ARHGAP39: variants seen among roughly 807,000 people sequenced by gnomAD.
ARHGAP39 encodes the protein Rho GTPase activating protein 39, also known as rho GTPase-activating protein 39.
In ARHGAP39, 44 loss-of-function variants were observed where a neutral mutation model predicts 106.9. That is an observed-to-expected ratio of 0.41 (90% CI 0.32 to 0.53). The LOEUF (loss-of-function observed/expected upper bound fraction) is 0.53. ARHGAP39 is among the 20% of genes least tolerant of loss of function. The pLI, the probability that ARHGAP39 is intolerant of heterozygous loss-of-function variation, is 0.21. For synonymous variants in ARHGAP39, 768 were observed against 693.2 expected (o/e 1.11, Z -1.69); for missense variants, 1,496 against 1,577.3 (o/e 0.95, Z 0.87).
In ARHGAP39 at chr8:144,547,247, C is replaced by G; in HGVS notation, c.1839G>C (p.Glu613Asp). 1 of 1,612,592 alleles carries G rather than the reference C, an allele frequency of 6.2e-7. No individual in the cohort carries two copies. Among genetic ancestry groups the G allele is most frequent in the Non-Finnish European group, 8.5e-7 (1 of 1,179,778 alleles). The part of the protein sequence containing the change: ...FSEDEALAQQ[E>D]NRHWRRGTFE... ...AGGTGCCCCTCCTCCAGTGCCTGTT[C>G]TCCTGCTGGGCCAGCGCCTCGTCCT... is the stretch of plus-strand genomic sequence containing the variant. Residue 613 changes from glutamate to aspartate, a missense_variant, in exon 5 of 12, where the codon GAG (glutamate) becomes GAC (aspartate). By Grantham distance (45) the Glu-to-Asp change is conservative (BLOSUM62 2). Transcript: ENST00000377307. The surrounding 1 kb of genome is among the most constrained non-coding windows in gnomAD (Gnocchi z 5.2).
the ARHGAP39 span, among the ~76,000 whole-genome samples, chr8:144,700,082 G>GT: frequency 6.6e-6 from 1 of 152,174 alleles, no homozygotes; most frequent in Non-Finnish European, 1.5e-5. This position sits in a 1 kb window ranked among gnomAD's most constrained non-coding sequence, Gnocchi z 5.6. Flanking sequence ...GCCGCTCCCC[G>GT]TTCCCTGTCC....
At chr8:144,597,110 G>T (rs1819651477) in intron 2 of ARHGAP39, among the ~76,000 whole-genome samples, 1 of 152,222 alleles carries the variant, frequency 6.6e-6, no homozygotes, top group Non-Finnish European at 1.5e-5. Flanking sequence ...GACAGAGGAG[G>T]GACCTGGCTG....
chr8:144,670,184 T>C lies in ARHGAP39; in HGVS notation c.-82+15502A>G, dbSNP rs576637002. Among the ~76,000 whole-genome samples the C allele has an allele frequency of 6.6e-6, 1 of 150,592 alleles. No homozygotes were observed. Among genetic ancestry groups the C allele is most frequent in the South Asian group, 2.1e-4 (1 of 4,700 alleles). ...GGATCAGGGCCTGGGACCAGGCGGCTGTAAAAAGCAACAGAGCTCGGACGC... is the reference window on the plus strand; with the variant it reads ...GGATCAGGGCCTGGGACCAGGCGGCCGTAAAAAGCAACAGAGCTCGGACGC... On this transcript the variant is annotated intron_variant, in intron 1 of 11. Transcript: ENST00000377307. The surrounding 1 kb of genome is among the most constrained non-coding windows in gnomAD (Gnocchi z 4.4).
In ARHGAP39 at chr8:144,631,500, C is replaced by T. The variant is rs376462867; in HGVS notation, c.-81-25805G>A. 1.9e-4 allele frequency among the ~76,000 whole-genome samples: 29 copies of T among 152,364 alleles called. 1 individual carries two copies. The East Asian group carries it at 2.9e-3, about 15-fold the overall frequency. ...CCGTTTCACGGGTGTGATATCCTCTCGTTCCTGAGGATAATCACACTATCT... is the reference window on the plus strand; with the variant it reads ...CCGTTTCACGGGTGTGATATCCTCTTGTTCCTGAGGATAATCACACTATCT... On this transcript the variant is annotated intron_variant, in intron 1 of 11. Coordinates refer to ENST00000377307, the MANE Select transcript of ARHGAP39 (RefSeq NM_025251.3).
intron 9 of ARHGAP39, 113 bp from the exon 10 acceptor site, chr8:144,532,509 C>T: frequency 2.2e-6 from 2 of 917,580 alleles, no homozygotes; most frequent in Non-Finnish European, 3.3e-6. Context: ...GGAGCAAAAC[C>T]TCAGGACCCC....
In ARHGAP39 at chr8:144,605,768, C is replaced by T. The variant is rs1386619677; in HGVS notation, c.-81-73G>A. The T allele has an allele frequency of 7.0e-5, 52 of 738,774 alleles. 2 individuals are homozygous for T. The highest frequency in any genetic ancestry group is 5.0e-4 in the Admixed American group (22 of 44,154). 45.8% of individuals were successfully genotyped at this position (738,774 alleles called of 1,614,324 possible). Reference sequence around the variant, plus strand: ...ACACCAATCACCCGGCCCAGCCCACCGCCGCAGACTGGCTGGGCAGGATGA... The same window carrying T: ...ACACCAATCACCCGGCCCAGCCCACTGCCGCAGACTGGCTGGGCAGGATGA... On this transcript the variant is annotated intron_variant, in intron 1 of 11. Transcript: ENST00000377307.
At chr8:144,573,773 TA>T (rs35041019) in intron 3 of ARHGAP39, among the ~76,000 whole-genome samples, 9 of 151,934 alleles carry the variant, frequency 5.9e-5, no homozygotes, top group Non-Finnish European at 7.4e-5. Flanking sequence ...CTCAAAAAAA[TA>T]AAAAAATTAT....
intron 2 of ARHGAP39, 25 bp downstream of exon 2, chr8:144,605,510 C>T: frequency 6.2e-7 from 1 of 1,613,416 alleles, no homozygotes; most frequent in East Asian, 2.2e-5. Flanking sequence ...GCCCGGGCAG[C>T]TCCGCAGGTC....
intron 3 of ARHGAP39, among the ~76,000 whole-genome samples, chr8:144,566,821 C>T (rs984858593): frequency 2.0e-5 from 3 of 150,396 alleles, no homozygotes; most frequent in Admixed American, 1.3e-4. Context: ...TGCCACTGCG[C>T]TCCAGCCTAG....
intron 2 of ARHGAP39, among the ~76,000 whole-genome samples, chr8:144,583,144 C>A (rs1819059709): frequency 6.6e-6 from 1 of 152,196 alleles, no homozygotes; most frequent in Admixed American, 6.5e-5. Flanking sequence ...CAATAGCTGC[C>A]CAGCCCCTCC....
At chr8:144,667,141 G>C (rs983077009) in intron 1 of ARHGAP39, among the ~76,000 whole-genome samples, 1 of 152,192 alleles carries the variant, frequency 6.6e-6, no homozygotes, top group South Asian at 2.1e-4. Context: ...AAAAGAAAGA[G>C]ACAAGGCAGA....
intron 1 of ARHGAP39, among the ~76,000 whole-genome samples, chr8:144,627,352 A>C (rs534255784): frequency 6.6e-6 from 1 of 152,226 alleles, no homozygotes; most frequent in Non-Finnish European, 1.5e-5. Flanking sequence ...TCAGATCGAG[A>C]CCATCCTGGC....
the ARHGAP39 span, among the ~76,000 whole-genome samples, chr8:144,697,042 T>G: frequency 6.6e-6 from 1 of 152,170 alleles, no homozygotes; most frequent in Non-Finnish European, 1.5e-5. Flanking sequence ...TTAATGATCC[T>G]GGTCGGGCGC....
intron 1 of ARHGAP39, among the ~76,000 whole-genome samples, chr8:144,673,612 C>T (rs925945480): frequency 1.3e-5 from 2 of 152,226 alleles, no homozygotes; most frequent in African/African-American, 4.8e-5. Context: ...GGACACTTCA[C>T]ATAAACGGAA....
At chr8:144,598,128 C>G (rs769113713) in intron 2 of ARHGAP39, among the ~76,000 whole-genome samples, 1 of 152,188 alleles carries the variant, frequency 6.6e-6, no homozygotes, top group Non-Finnish European at 1.5e-5. Context: ...AGAGGGCGCC[C>G]GGCATGGCCT....
chr8:144,621,593 G>A (rs1820808773), intron 1 of ARHGAP39, among the ~76,000 whole-genome samples: 1 of 152,240 alleles, frequency 6.6e-6, no homozygotes, highest in Non-Finnish European at 1.5e-5. Flanking sequence ...GAGGCAGGCA[G>A]ATTGCTTCAG....
At chr8:144,692,574 A>G in the ARHGAP39 span, among the ~76,000 whole-genome samples, 16 of 152,258 alleles carry the variant, frequency 1.1e-4, no homozygotes, top group Non-Finnish European at 1.8e-4. Flanking sequence ...AAGGTGCTCA[A>G]TGGGGGCTGT....
intron 1 of ARHGAP39, among the ~76,000 whole-genome samples, chr8:144,619,734 G>T (rs756249810): frequency 6.6e-6 from 1 of 151,208 alleles, no homozygotes; most frequent in Non-Finnish European, 1.5e-5. Context: ...GTCCGTGTGC[G>T]TGTGAGCCTG....
rs2129706685 is a variant in ARHGAP39 at position 144,666,442 on chromosome 8, C to A, written c.-82+19244G>T. Reference sequence around the variant, plus strand: ...GTGGAATGATATGGTTTGGCTGTGTCCCCACCTAAATCTCAATGTGAATTG... The same window carrying A: ...GTGGAATGATATGGTTTGGCTGTGTACCCACCTAAATCTCAATGTGAATTG... On this transcript the variant is annotated intron_variant, in intron 1 of 11. Coordinates refer to ENST00000377307, the MANE Select transcript of ARHGAP39 (RefSeq NM_025251.3). Among the ~76,000 whole-genome samples, 4 of 152,156 alleles carry A rather than the reference C, an allele frequency of 2.6e-5. 1 individual carries two copies. Among genetic ancestry groups the A allele is most frequent in the Admixed American group, 2.6e-4 (4 of 15,290 alleles).
Sources: allele counts gnomAD v4.1 joint callset (sites outside exome capture counted in the v4.1 genomes callset), GRCh38; gene constraint gnomAD v4.1.1; non-coding constraint Gnocchi (gnomAD v3.1); transcripts MANE v1.5; gene names NCBI Gene and HGNC (gene_info 2026-07-23, HGNC 2026-07-21).